Variants in MACROD2 observed in about 807,000 individuals in gnomAD.
The protein encoded by MACROD2 is ADP-ribose glycohydrolase MACROD2.
In MACROD2, 36 loss-of-function variants were observed where a neutral mutation model predicts 70.4. The observed-to-expected ratio is 0.51, with a 90% CI of 0.39 to 0.68. MACROD2 has a LOEUF of 0.68. MACROD2 is among the 30% of genes least tolerant of loss of function. The pLI is 0.00. For synonymous variants in MACROD2, 172 were observed against 178.8 expected, an observed-to-expected ratio of 0.96 and a Z score of 0.30; for missense variants, 496 against 538.4, an observed-to-expected ratio of 0.92 and a Z score of 0.78.
intron 3 of MACROD2, among the ~76,000 whole-genome samples, chr20:14,442,012 G>A (rs1488208310): frequency 1.3e-5 from 2 of 152,140 alleles, no homozygotes; most frequent in African/African-American, 4.8e-5. Flanking sequence ...GCTCATGCTT[G>A]TAATTCCAGC....
intron 5 of MACROD2, among the ~76,000 whole-genome samples, chr20:15,132,533 T>C (rs972714824): frequency 2.0e-5 from 3 of 151,912 alleles, no homozygotes; most frequent in Non-Finnish European, 4.4e-5. Context: ...AAAACTTTTA[T>C]ATAGCCCAAA....
intron 10 of MACROD2, among the ~76,000 whole-genome samples, chr20:15,910,364 G>A (rs1433635645): frequency 6.6e-6 from 1 of 151,718 alleles, no homozygotes. Context: ...ATGGGAAATT[G>A]GGGATTGTGA....
In MACROD2 at chr20:16,049,913, G is replaced by A. The variant is rs768977627; in HGVS notation, c.*37G>A. ...ATCGCAAGGCCTCTCCTGGCTCTGGGGGAGCTCGGGAAGATAGCAGCACAC... is the reference window on the plus strand; with the variant it reads ...ATCGCAAGGCCTCTCCTGGCTCTGGAGGAGCTCGGGAAGATAGCAGCACAC... On this transcript the variant is annotated 3_prime_UTR_variant, in exon 18 of 18. Transcript: ENST00000684519. 3.2e-6 allele frequency: 5 copies of A among 1,566,336 alleles called. No homozygotes were observed. The Admixed American group carries it at 8.6e-5, about 27-fold the overall frequency.
intron 5 of MACROD2, among the ~76,000 whole-genome samples, chr20:15,216,073 A>C (rs543080913): frequency 6.6e-6 from 1 of 152,218 alleles, no homozygotes; most frequent in Admixed American, 6.5e-5. Flanking sequence ...GCATGGTGAA[A>C]GTTCAAAATC....
At position 15,717,688 on chromosome 20, in the gene MACROD2, G is replaced by T. The variant is rs577367098; in HGVS notation, c.646-145057G>T. On this transcript the variant is annotated intron_variant, in intron 8 of 17. Coordinates refer to ENST00000684519, the MANE Select transcript of MACROD2 (RefSeq NM_001351661.2). ...AGGAGGAGAAAGAAGAAAGGGTGAC[G>T]TGGATTGTCAAATGGGGCCTGAGAA... Among the ~76,000 whole-genome samples the T allele has an allele frequency of 5.9e-5, 9 of 152,298 alleles. No homozygotes were observed. In the South Asian group the frequency reaches 1.9e-3, roughly 32 times the overall value.
intron 5 of MACROD2, among the ~76,000 whole-genome samples, chr20:14,857,736 A>G (rs564635559): frequency 6.6e-6 from 1 of 152,208 alleles, no homozygotes; most frequent in African/African-American, 2.4e-5. Context: ...TAAGTTCAAT[A>G]AAATTAAACA....
chr20:14,754,598 T>C (rs2071916069), intron 5 of MACROD2, among the ~76,000 whole-genome samples: 1 of 152,086 alleles, frequency 6.6e-6, no homozygotes, highest in South Asian at 2.1e-4. Flanking sequence ...TACACGGGGC[T>C]ATAAACTGAA....
chr20:14,451,312 G>C (rs1324662916), intron 3 of MACROD2, among the ~76,000 whole-genome samples: 1 of 152,082 alleles, frequency 6.6e-6, no homozygotes, highest in Non-Finnish European at 1.5e-5. Context: ...AGCCGGGCGT[G>C]GTGGCACATG....
In MACROD2 at chr20:15,619,777, G is replaced by T. The variant is rs3803977; in HGVS notation, c.645+119930G>T. 9 of 169,828 alleles carry T rather than the reference G, an allele frequency of 5.3e-5. No homozygotes were observed. In the East Asian group the frequency reaches 1.3e-3, roughly 25 times the overall value. The allele number at this position is 169,828 out of a possible 1,614,324, so 10.5% of individuals were successfully genotyped here. A position where few individuals can be genotyped will look rare whatever the true frequency, so the allele number is the denominator to read the frequency against. On this transcript the variant is annotated intron_variant, in intron 8 of 17. Coordinates refer to ENST00000684519, the MANE Select transcript of MACROD2 (RefSeq NM_001351661.2). ...TCAGGGAGAGTACATTCTTTCTCCC[G>T]CATGCCCTGCTTCTTCTTGCCTGTC... is the stretch of plus-strand genomic sequence containing the variant.
intron 3 of MACROD2, among the ~76,000 whole-genome samples, chr20:14,421,050 A>G (rs2083871424): frequency 6.6e-6 from 1 of 152,238 alleles, no homozygotes; most frequent in South Asian, 2.1e-4. Context: ...AAGTTTATCT[A>G]AATTTATCAA....
chr20:14,630,245 C>T (rs1984434303), intron 4 of MACROD2, among the ~76,000 whole-genome samples: 2 of 152,086 alleles, frequency 1.3e-5, no homozygotes, highest in Non-Finnish European at 2.9e-5. Flanking sequence ...ATTGGGGGAT[C>T]TGGGTCAGAA....
chr20:15,671,443 T>A (rs1238778676), intron 8 of MACROD2, among the ~76,000 whole-genome samples: 6 of 152,152 alleles, frequency 3.9e-5, no homozygotes, highest in Non-Finnish European at 5.9e-5. Context: ...GTTTTTATCG[T>A]CTCCCATGGA....
chr20:15,091,574 C>T (rs1394459729), intron 5 of MACROD2, among the ~76,000 whole-genome samples: 1 of 151,940 alleles, frequency 6.6e-6, no homozygotes, highest in East Asian at 1.9e-4. Flanking sequence ...TGCTTTAAAC[C>T]AAACCGCATG....
intron 3 of MACROD2, among the ~76,000 whole-genome samples, chr20:14,367,382 C>T (rs1453135712): frequency 2.6e-5 from 4 of 152,150 alleles, no homozygotes; most frequent in South Asian, 2.1e-4. Context: ...CATTTCTTCA[C>T]GTGATTTCAG....
chr20:14,334,835 A>G (rs1421253065), intron 3 of MACROD2, among the ~76,000 whole-genome samples: 5 of 151,936 alleles, frequency 3.3e-5, no homozygotes, highest in Admixed American at 2.0e-4. Context: ...AAAAGAATAT[A>G]TAAGGGGATC....
intron 5 of MACROD2, among the ~76,000 whole-genome samples, chr20:14,939,031 A>G (rs544619556): frequency 5.4e-5 from 8 of 146,870 alleles, no homozygotes; most frequent in Non-Finnish European, 8.9e-5. Context: ...TACTCTGCAC[A>G]TATTTCTCCC....
At chr20:14,077,487 A>C (rs886316986) in intron 2 of MACROD2, among the ~76,000 whole-genome samples, 1 of 152,240 alleles carries the variant, frequency 6.6e-6, no homozygotes, top group Non-Finnish European at 1.5e-5. Flanking sequence ...CGTTAAAATT[A>C]CATTTAATAC....
At chr20:14,462,037 G>A (rs988030359) in intron 3 of MACROD2, among the ~76,000 whole-genome samples, 2 of 151,934 alleles carry the variant, frequency 1.3e-5, no homozygotes, top group Non-Finnish European at 2.9e-5. Context: ...AATGAGCATG[G>A]AATGTTCTTC....
chr20:15,812,238 C>G (rs1268290352), intron 8 of MACROD2, among the ~76,000 whole-genome samples: 1 of 152,146 alleles, frequency 6.6e-6, no homozygotes, highest in Non-Finnish European at 1.5e-5. Flanking sequence ...CCAGCAAATG[C>G]CTATTGAGTT....
Sources: gnomAD v4.1 joint callset for allele counts (sites outside exome capture counted in the v4.1 genomes callset) on GRCh38, gnomAD v4.1.1 for gene constraint, MANE v1.5 for transcripts, NCBI Gene and HGNC (gene_info 2026-07-23, HGNC 2026-07-21) for gene names.